CELF4: variants seen among roughly 807,000 people sequenced by gnomAD.
CELF4 encodes CUGBP Elav-like family member 4.
CELF4 carries 18 observed loss-of-function variants against 59.9 expected under a neutral mutation model. The observed-to-expected ratio is 0.30, with a 90% CI of 0.21 to 0.45. The LOEUF (loss-of-function observed/expected upper bound fraction) is 0.45, where lower values mean the gene tolerates loss of function less well. Among genes scored for constraint, CELF4 ranks in the 20% least tolerant of loss-of-function variants. The pLI, the probability that CELF4 is intolerant of heterozygous loss-of-function variation, is 1.00. For synonymous variants in CELF4, 261 were observed against 267.1 expected, an observed-to-expected ratio of 0.98 and a Z score of 0.22; for missense variants, 456 against 689.0, an observed-to-expected ratio of 0.66 and a Z score of 3.79.
At chr18:37,281,268 C>T (rs1287314014) in intron 3 of CELF4, among the ~76,000 whole-genome samples, 3 of 152,238 alleles carry the variant, frequency 2.0e-5, no homozygotes, top group Non-Finnish European at 4.4e-5. Context: ...AACAGCACTA[C>T]CACTTGACTC....
chr18:37,271,418 C>A lies in CELF4; in HGVS notation c.950-501G>T, dbSNP rs1380246777. Among the ~76,000 whole-genome samples, 14 of 152,100 alleles carry A rather than the reference C, an allele frequency of 9.2e-5. 1 individual carries two copies. Among genetic ancestry groups the A allele is most frequent in the Admixed American group, 9.2e-4 (14 of 15,270 alleles). On this transcript the variant is annotated intron_variant, in intron 7 of 12. Transcript: ENST00000420428. ...TACCAGCATGCACCACCAGGCCCAG[C>A]TAATTTTTGTATTTTTTAGTAGGGT... is the stretch of plus-strand genomic sequence containing the variant.
chr18:37,420,049 C>T (rs1448183230), intron 2 of CELF4, among the ~76,000 whole-genome samples: 1 of 152,240 alleles, frequency 6.6e-6, no homozygotes, highest in Non-Finnish European at 1.5e-5. Flanking sequence ...TTTTGACACC[C>T]TGCTGGGAGG....
chr18:37,479,774 C>T (rs1431203421), intron 2 of CELF4, among the ~76,000 whole-genome samples: 1 of 152,130 alleles, frequency 6.6e-6, no homozygotes. Flanking sequence ...ATGCTGAAGT[C>T]CTAACCCCAG....
At chr18:37,313,728 T>C (rs1336108987) in intron 3 of CELF4, among the ~76,000 whole-genome samples, 1 of 151,720 alleles carries the variant, frequency 6.6e-6, no homozygotes, top group Non-Finnish European at 1.5e-5. Flanking sequence ...CTCGGAGGAG[T>C]AATGAGGAAT....
intron 2 of CELF4, among the ~76,000 whole-genome samples, chr18:37,369,142 C>T (rs1045477186): frequency 6.6e-6 from 1 of 152,202 alleles, no homozygotes; most frequent in African/African-American, 2.4e-5. Flanking sequence ...AGCCAAAAGG[C>T]CAAAACTCTT....
intron 1 of CELF4, among the ~76,000 whole-genome samples, chr18:37,534,036 G>C (rs1015507765): frequency 6.6e-6 from 1 of 152,220 alleles, no homozygotes; most frequent in Middle Eastern, 3.2e-3. Context: ...CTGTGGACCT[G>C]GCCGCTGGGC....
rs1009407416 is a variant in CELF4 at position 37,300,978 on chromosome 18, T to TA, written c.448+20824dup. On this transcript the variant is annotated intron_variant, in intron 3 of 12. Transcript: ENST00000420428. ...ACTAAGGCAGCAGGGCTGGGAGTGG[T>TA]AAAAGGCTTGGACTTCCATGTAAGT... Among the ~76,000 whole-genome samples, 405 of 152,296 alleles carry TA rather than the reference T, an allele frequency of 2.7e-3. 4 individuals carry two copies. The highest frequency in any genetic ancestry group is 9.5e-3 in the African/African-American group (393 of 41,554).
At chr18:37,561,405 G>A (rs1299476080) in intron 1 of CELF4, among the ~76,000 whole-genome samples, 5 of 152,178 alleles carry the variant, frequency 3.3e-5, no homozygotes, top group Admixed American at 6.5e-5. Context: ...TTTAGATTAC[G>A]TTAATTCATA....
At chr18:37,290,991 C>T (rs1406027369) in intron 3 of CELF4, among the ~76,000 whole-genome samples, 2 of 152,186 alleles carry the variant, frequency 1.3e-5, no homozygotes, top group South Asian at 2.1e-4. Context: ...CTCACCGCAA[C>T]CTCCGCCTCC....
At chr18:37,351,633 C>T (rs1379723446) in intron 2 of CELF4, among the ~76,000 whole-genome samples, 1 of 131,816 alleles carries the variant, frequency 7.6e-6, no homozygotes, top group African/African-American at 2.9e-5. Context: ...TTTTTTGAGA[C>T]AGGGTCTCAC....
At chr18:37,549,875 G>T (rs2099982593) in intron 1 of CELF4, among the ~76,000 whole-genome samples, 2 of 152,096 alleles carry the variant, frequency 1.3e-5, no homozygotes, top group Admixed American at 1.3e-4. Context: ...AGTATGTCCT[G>T]TGATCCATAC....
chr18:37,471,984 A>T (rs887539863), intron 2 of CELF4, among the ~76,000 whole-genome samples: 1 of 152,188 alleles, frequency 6.6e-6, no homozygotes, highest in Non-Finnish European at 1.5e-5. Flanking sequence ...TGTCCAGGGC[A>T]TGACTCTGCT....
intron 2 of CELF4, among the ~76,000 whole-genome samples, chr18:37,352,884 G>A (rs540237067): frequency 5.3e-5 from 8 of 152,224 alleles, no homozygotes; most frequent in Non-Finnish European, 1.2e-4. Context: ...GTGGAACAGC[G>A]CCTTGCCATT....
intron 1 of CELF4, among the ~76,000 whole-genome samples, chr18:37,495,595 G>A (rs549878746): frequency 7.2e-5 from 11 of 152,240 alleles, no homozygotes; most frequent in South Asian, 2.1e-4. Context: ...CCTGCACAGC[G>A]AGCTCAGCAA....
intron 2 of CELF4, among the ~76,000 whole-genome samples, chr18:37,367,117 G>C (rs2098794874): frequency 6.6e-6 from 1 of 152,176 alleles, no homozygotes. Context: ...CACCTGAGGA[G>C]GGGGCATTGC....
intron 2 of CELF4, among the ~76,000 whole-genome samples, chr18:37,363,271 G>T (rs1286759768): frequency 1.3e-5 from 2 of 152,182 alleles, no homozygotes; most frequent in Non-Finnish European, 2.9e-5. Context: ...CAAAGGAAGA[G>T]AACTTCCCAT....
chr18:37,434,586 C>T (rs942092867), intron 2 of CELF4, among the ~76,000 whole-genome samples: 5 of 152,112 alleles, frequency 3.3e-5, no homozygotes, highest in African/African-American at 4.8e-5. Context: ...GGAAGAGAGC[C>T]GGGGGTTTGC....
At chr18:37,410,904 G>A (rs1320705932) in intron 2 of CELF4, among the ~76,000 whole-genome samples, 1 of 152,196 alleles carries the variant, frequency 6.6e-6, no homozygotes, top group Non-Finnish European at 1.5e-5. Flanking sequence ...TGATCCTGGA[G>A]TTCTGCATCC....
intron 1 of CELF4, among the ~76,000 whole-genome samples, chr18:37,515,022 T>A (rs9956899): frequency 0.018 from 2,795 of 152,348 alleles, 97 homozygotes; most frequent in African/African-American, 0.064. Flanking sequence ...TTAGATACTT[T>A]TAACAAATCC....
Sources: gnomAD v4.1 joint callset for allele counts (sites outside exome capture counted in the v4.1 genomes callset) on GRCh38, gnomAD v4.1.1 for gene constraint, MANE v1.5 for transcripts, NCBI Gene and HGNC (gene_info 2026-07-23, HGNC 2026-07-21) for gene names.